The following ERVK3-1 variants were observed in gnomAD, a reference collection of about 807,000 sequenced individuals.
ERVK3-1 encodes endogenous retrovirus group K3 member 1.
At chr19:58,314,824 A>C (rs2051580617) in exon 4 of ERVK3-1, 2 of 399,932 alleles carry the variant, frequency 5.0e-6, no homozygotes, top group Non-Finnish European at 8.8e-6. Flanking sequence ...AATTAATGCA[A>C]AAACAAAAGG....
In ERVK3-1 at chr19:58,312,582, G is replaced by A. The variant is rs1008279190; in HGVS notation, c.294+120G>A. On this transcript the variant is annotated intron_variant, in intron 3 of 3. Coordinates refer to ENST00000413518, the Ensembl canonical transcript of ERVK3-1. The surrounding 1 kb of genome is among the most constrained non-coding windows in gnomAD (Gnocchi z 4.7). The stretch of plus-strand genomic sequence containing the variant: ...AGATATATTATGATCAGGGAGCGTG[G>A]GCACCAGGACCCCTAACTCCGTCTG... 15 of 398,356 alleles carry A rather than the reference G, an allele frequency of 3.8e-5. No individual in the cohort carries two copies. Among genetic ancestry groups the A allele is most frequent in the Non-Finnish European group, 6.2e-5 (14 of 225,922 alleles). 24.7% of individuals were successfully genotyped at this position (398,356 alleles called of 1,614,324 possible).
intron 2 of ERVK3-1, chr19:58,311,615 A>G (rs1334247260): frequency 6.6e-6 from 1 of 152,232 alleles, no homozygotes; most frequent in Non-Finnish European, 1.5e-5. Context: ...TGGATGTTAC[A>G]TATATATAGC....
intron 2 of ERVK3-1, chr19:58,306,536 C>G (rs1191577087): frequency 6.6e-6 from 1 of 152,170 alleles, no homozygotes; most frequent in African/African-American, 2.4e-5. Context: ...GTCCTCCTGC[C>G]ATTGTCCTCT....
chr19:58,308,336 T>C (rs558278383), intron 2 of ERVK3-1, among the ~76,000 whole-genome samples: 143 of 152,308 alleles, frequency 9.4e-4, no homozygotes, highest in Admixed American at 2.0e-3. Flanking sequence ...CCAAAAACAA[T>C]TGGCCCCTGC....
At chr19:58,311,940 G>C in intron 2 of ERVK3-1, 1 of 356,040 alleles carries the variant, frequency 2.8e-6, no homozygotes, top group Non-Finnish European at 5.0e-6. Flanking sequence ...AGGGAGAATA[G>C]GGGACCAATT....
At chr19:58,314,424 AGACCAT>A (rs1168027250) in intron 3 of ERVK3-1, among the ~76,000 whole-genome samples, 1 of 152,104 alleles carries the variant, frequency 6.6e-6, no homozygotes, top group African/African-American at 2.4e-5. Context: ...CAGAAGATCG[AGACCAT>A]CCTGGCTAAA....
chr19:58,307,082 G>A (rs1012628321), intron 2 of ERVK3-1, among the ~76,000 whole-genome samples: 2 of 152,252 alleles, frequency 1.3e-5, no homozygotes, highest in African/African-American at 4.8e-5. Context: ...ATGCTATTGG[G>A]TAGTGACTCT....
chr19:58,316,253 C>T (rs977805844), downstream of ERVK3-1, among the ~76,000 whole-genome samples: 2 of 152,198 alleles, frequency 1.3e-5, no homozygotes, highest in Non-Finnish European at 2.9e-5. Flanking sequence ...CCCGTTGCCC[C>T]CTTCATCACT....
chr19:58,310,830 G>GC lies in ERVK3-1; in HGVS notation c.-3-1330dup, dbSNP rs1240819152. 5 of 376,830 alleles carry GC rather than the reference G, an allele frequency of 1.3e-5. No individual in the cohort carries two copies. Among genetic ancestry groups the GC allele is most frequent in the East Asian group, 1.8e-4 (2 of 11,344 alleles). The allele number at this position is 376,830 out of a possible 1,614,324, so 23.3% of individuals were successfully genotyped here. ...AACCTCCCCCAGGGAAAGGGAGACCGCCCCCCACCCTTTCCCGGTCTGCTA... is the reference window on the plus strand; with the variant it reads ...AACCTCCCCCAGGGAAAGGGAGACCGCCCCCCCACCCTTTCCCGGTCTGCTA... On this transcript the variant is annotated intron_variant, in intron 2 of 3. Transcript: ENST00000413518. This position sits in a 1 kb window ranked among gnomAD's most constrained non-coding sequence, Gnocchi z 4.7.
At chr19:58,308,211 C>T (rs1160605771) in intron 2 of ERVK3-1, among the ~76,000 whole-genome samples, 2 of 152,222 alleles carry the variant, frequency 1.3e-5, no homozygotes. Context: ...TACAACTACA[C>T]AGGAAATTTA....
Position 58,310,919 on chromosome 19 carries a change from G to A in ERVK3-1, c.-3-1247G>A. On this transcript the variant is annotated intron_variant, in intron 2 of 3. Coordinates refer to ENST00000413518, the Ensembl canonical transcript of ERVK3-1. The surrounding 1 kb of genome is among the most constrained non-coding windows in gnomAD (Gnocchi z 4.7). ...TAGACCACGGTCTTCCCAAACGCTG[G>A]CGTCACCACTAGACCAAGGAGCCCT... 2.7e-6 allele frequency: 1 copy of A among 372,588 alleles called. No homozygotes were observed. The highest frequency in any genetic ancestry group is 5.5e-6 in the Non-Finnish European group (1 of 181,102). The allele number at this position is 372,588 out of a possible 1,614,324, so 23.1% of individuals were successfully genotyped here.
chr19:58,308,858 A>G (rs1476083560), intron 2 of ERVK3-1, among the ~76,000 whole-genome samples: 1 of 152,178 alleles, frequency 6.6e-6, no homozygotes, highest in Non-Finnish European at 1.5e-5. Flanking sequence ...CTTGGAATTC[A>G]CCAGTATTTG....
intron 2 of ERVK3-1, among the ~76,000 whole-genome samples, chr19:58,308,133 A>G (rs1396308618): frequency 6.6e-6 from 1 of 152,222 alleles, no homozygotes; most frequent in African/African-American, 2.4e-5. Flanking sequence ...GCTATTGCTT[A>G]TTATTATTCT....
chr19:58,307,734 G>A (rs943677459), intron 2 of ERVK3-1, among the ~76,000 whole-genome samples: 3 of 150,470 alleles, frequency 2.0e-5, no homozygotes, highest in East Asian at 3.9e-4. Flanking sequence ...CATCAGAATG[G>A]CACCCCGCTC....
rs1040137435 is a variant in ERVK3-1 at position 58,311,627 on chromosome 19, G to C, written c.-3-539G>C. 7 of 152,194 alleles carry C rather than the reference G, an allele frequency of 4.6e-5. 1 individual carries two copies. The highest frequency in any genetic ancestry group is 3.9e-4 in the Admixed American group (6 of 15,278). The allele number at this position is 152,194 out of a possible 1,614,324, so 9.4% of individuals were successfully genotyped here. ...AGATGGATGTTACATATATATAGCA[G>C]CCTTTGGCTAACTCCGCTATGTTCA... is the stretch of plus-strand genomic sequence containing the variant. On this transcript the variant is annotated intron_variant, in intron 2 of 3. Coordinates refer to ENST00000413518, the Ensembl canonical transcript of ERVK3-1.
chr19:58,305,936 C>T (rs765999081), intron 1 of ERVK3-1, among the ~76,000 whole-genome samples, 152 bp from the exon 2 acceptor site: 2 of 152,176 alleles, frequency 1.3e-5, no homozygotes, highest in African/African-American at 2.4e-5. Flanking sequence ...GTTACCCTTT[C>T]CTCCCTATTC....
At position 58,312,800 on chromosome 19, in the gene ERVK3-1, C is replaced by G. The variant is rs1161033607; in HGVS notation, c.294+338C>G. 6.6e-6 allele frequency among the ~76,000 whole-genome samples: 1 copy of G among 152,224 alleles called. No homozygotes were observed. The highest frequency in any genetic ancestry group is 2.4e-5 in the African/African-American group (1 of 41,466). ...TGGCGTGTTCACCAATCACTCCTAG[C>G]CCCATCACTCAAATTGTATGGATTA... On this transcript the variant is annotated intron_variant, in intron 3 of 3. Transcript: ENST00000413518. The surrounding 1 kb of genome is among the most constrained non-coding windows in gnomAD (Gnocchi z 4.7).
At chr19:58,305,936 C>G (rs765999081) in intron 1 of ERVK3-1, among the ~76,000 whole-genome samples, 152 bp from the exon 2 acceptor site, 3 of 152,176 alleles carry the variant, frequency 2.0e-5, no homozygotes, top group Non-Finnish European at 4.4e-5. Context: ...GTTACCCTTT[C>G]CTCCCTATTC....
chr19:58,305,852 C>T (rs1394897878), intron 1 of ERVK3-1, among the ~76,000 whole-genome samples: 1 of 152,176 alleles, frequency 6.6e-6, no homozygotes, highest in Non-Finnish European at 1.5e-5. Flanking sequence ...AGGTTATCTA[C>T]AGGAACATCT....
Sources: gnomAD v4.1 joint callset for allele counts (sites outside exome capture counted in the v4.1 genomes callset) on GRCh38, gnomAD v4.1.1 for gene constraint, Gnocchi (gnomAD v3.1) non-coding constraint, MANE v1.5 for transcripts, NCBI Gene and HGNC (gene_info 2026-07-23, HGNC 2026-07-21) for gene names.